KDM4C: variants seen among roughly 807,000 people sequenced by gnomAD.
The protein encoded by KDM4C is lysine demethylase 4C, also known as lysine-specific demethylase 4C.
In KDM4C, 81 loss-of-function variants were observed where a neutral mutation model predicts 129.3. The ratio of observed to expected loss-of-function variants is 0.63; its 90% CI spans 0.52 to 0.75. The LOEUF is 0.75. Ranked by LOEUF, KDM4C falls within the 30% of genes least tolerant of loss-of-function variation. The pLI is 0.00. For missense variants in KDM4C, 1,457 were observed against 1,304.0 expected, an observed-to-expected ratio of 1.12 and a Z score of -1.81; for synonymous variants, 573 against 456.1, an observed-to-expected ratio of 1.26 and a Z score of -3.26.
intron 4 of KDM4C, among the ~76,000 whole-genome samples, chr9:6,822,438 A>G (rs1417760013): frequency 1.3e-5 from 2 of 152,234 alleles, no homozygotes; most frequent in Admixed American, 1.3e-4. Context: ...GACTACATTG[A>G]TTCATTGCAA....
chr9:6,970,669 T>C (rs2131693013), intron 8 of KDM4C, among the ~76,000 whole-genome samples: 1 of 152,308 alleles, frequency 6.6e-6, no homozygotes, highest in South Asian at 2.1e-4. Context: ...GTGGCTAAAA[T>C]GACTTAGAAT....
At chr9:7,068,217 T>C (rs1048994072) in intron 17 of KDM4C, among the ~76,000 whole-genome samples, 4 of 152,234 alleles carry the variant, frequency 2.6e-5, no homozygotes, top group Admixed American at 2.6e-4. Context: ...GACACATATA[T>C]GTGAATCTGT....
At chr9:7,087,583 GA>G (rs1327890676) in intron 17 of KDM4C, among the ~76,000 whole-genome samples, 1 of 152,032 alleles carries the variant, frequency 6.6e-6, no homozygotes, top group Non-Finnish European at 1.5e-5. Context: ...TGTTAAAGAG[GA>G]TTATGGTACA....
At chr9:6,818,995 G>C (rs1246308341) in intron 4 of KDM4C, 3 of 152,222 alleles carry the variant, frequency 2.0e-5, no homozygotes, top group Non-Finnish European at 4.4e-5. Flanking sequence ...CTTCTGAGAA[G>C]AAGGTTGAGC....
chr9:6,732,016 G>T (rs1817351391), intron 1 of KDM4C, among the ~76,000 whole-genome samples: 1 of 152,062 alleles, frequency 6.6e-6, no homozygotes, highest in African/African-American at 2.4e-5. Context: ...ACAGTTTGGA[G>T]TATGTTCCTT....
chr9:6,873,145 C>T (rs1303954592), intron 5 of KDM4C, among the ~76,000 whole-genome samples: 1 of 152,152 alleles, frequency 6.6e-6, no homozygotes, highest in Non-Finnish European at 1.5e-5. Context: ...TATAGGCATG[C>T]ACCACCATGC....
chr9:6,750,875 T>C (rs1248262356), intron 1 of KDM4C, among the ~76,000 whole-genome samples: 1 of 152,208 alleles, frequency 6.6e-6, no homozygotes, highest in Non-Finnish European at 1.5e-5. Flanking sequence ...GGGCTTGCTC[T>C]TGTGGCTGCA....
chr9:6,775,086 G>T (rs1172981223), intron 1 of KDM4C, among the ~76,000 whole-genome samples: 1 of 152,144 alleles, frequency 6.6e-6, no homozygotes, highest in Non-Finnish European at 1.5e-5. Flanking sequence ...GCACAATCTT[G>T]TCTCACTGCA....
chr9:6,823,971 A>G (rs148604616), intron 4 of KDM4C, among the ~76,000 whole-genome samples: 69 of 152,330 alleles, frequency 4.5e-4, no homozygotes, highest in African/African-American at 1.4e-3. Context: ...AGTAATGCCA[A>G]TACACTTAAT....
intron 4 of KDM4C, among the ~76,000 whole-genome samples, chr9:6,834,151 GC>G (rs1835425741): frequency 6.7e-6 from 1 of 149,456 alleles, no homozygotes; most frequent in Non-Finnish European, 1.5e-5. Flanking sequence ...CGGTTCTGGT[GC>G]CCCAGTCTCC....
At chr9:6,867,294 G>A (rs1167924628) in intron 5 of KDM4C, among the ~76,000 whole-genome samples, 4 of 152,154 alleles carry the variant, frequency 2.6e-5, no homozygotes, top group Non-Finnish European at 4.4e-5. Context: ...GATTACAGGC[G>A]TGAGCCGCTG....
At chr9:7,009,497 C>T (rs1822289996) in intron 12 of KDM4C, among the ~76,000 whole-genome samples, 1 of 151,568 alleles carries the variant, frequency 6.6e-6, no homozygotes, top group Non-Finnish European at 1.5e-5. Flanking sequence ...TGCTTTTTTC[C>T]CCCCATCAAA....
intron 19 of KDM4C, among the ~76,000 whole-genome samples, chr9:7,152,666 C>G (rs1205694977): frequency 3.3e-5 from 5 of 152,108 alleles, no homozygotes; most frequent in African/African-American, 1.2e-4. Flanking sequence ...CTGAAATTTA[C>G]AATTGAATGT....
At chr9:6,793,455 A>T (rs1054794777) in intron 2 of KDM4C, among the ~76,000 whole-genome samples, 4 of 151,866 alleles carry the variant, frequency 2.6e-5, no homozygotes, top group African/African-American at 9.7e-5. Context: ...GTTTTTTTGT[A>T]GACAACAATT....
intron 9 of KDM4C, chr9:6,982,190 C>T (rs1816882090): frequency 1.3e-5 from 2 of 151,268 alleles, no homozygotes; most frequent in South Asian, 4.2e-4. Flanking sequence ...ACATCTTTGC[C>T]CAGACTTATG....
chr9:6,747,699 C>T (rs369410265), intron 1 of KDM4C, among the ~76,000 whole-genome samples: 2 of 152,170 alleles, frequency 1.3e-5, no homozygotes, highest in Non-Finnish European at 2.9e-5. Context: ...TTAACCTTGC[C>T]AGTTTCTGGA....
chr9:6,976,180 A>G (rs577132590), intron 8 of KDM4C, among the ~76,000 whole-genome samples: 1 of 152,220 alleles, frequency 6.6e-6, no homozygotes, highest in Non-Finnish European at 1.5e-5. Flanking sequence ...GTCAGGCCTA[A>G]TTAATGATTT....
At chr9:6,743,822 C>T (rs1009179021) in intron 1 of KDM4C, among the ~76,000 whole-genome samples, 4 of 151,826 alleles carry the variant, frequency 2.6e-5, no homozygotes, top group Non-Finnish European at 4.4e-5. Context: ...TTTCTGCTTT[C>T]TATATGGAAT....
chr9:6,962,620 G>T (rs1043261737), intron 8 of KDM4C, among the ~76,000 whole-genome samples: 2 of 151,978 alleles, frequency 1.3e-5, no homozygotes, highest in Admixed American at 1.3e-4. Flanking sequence ...GATAGATTCT[G>T]TAAAATAAGA....
Sources: gnomAD v4.1 joint callset for allele counts (sites outside exome capture counted in the v4.1 genomes callset) on GRCh38, gnomAD v4.1.1 for gene constraint, MANE v1.5 for transcripts, NCBI Gene and HGNC (gene_info 2026-07-23, HGNC 2026-07-21) for gene names.